AKNA: variants seen among roughly 807,000 people sequenced by gnomAD.
The protein encoded by AKNA is microtubule organization protein AKNA.
AKNA carries 67 observed loss-of-function variants against 138.8 expected under a neutral mutation model. The ratio of observed to expected loss-of-function variants is 0.48; its 90% CI spans 0.40 to 0.59. The LOEUF is 0.59. AKNA is among the 20% of genes least tolerant of loss of function. The pLI is 0.00. For missense variants in AKNA, 1,813 were observed against 1,880.4 expected, an observed-to-expected ratio of 0.96 and a Z score of 0.66; for synonymous variants, 737 against 754.4, an observed-to-expected ratio of 0.98 and a Z score of 0.38.
At chr9:114,388,321 G>A (rs572386568), upstream of AKNA, among the ~76,000 whole-genome samples, 22 of 152,238 alleles carry the variant, frequency 1.4e-4, no homozygotes, top group South Asian at 4.1e-4. Flanking sequence ...GCATGCTGTA[G>A]CTCCTACCCT....
At chr9:114,354,158 G>A (rs1463227311) in intron 14 of AKNA, among the ~76,000 whole-genome samples, 3 of 151,776 alleles carry the variant, frequency 2.0e-5, no homozygotes, top group African/African-American at 4.8e-5. Flanking sequence ...TTTCTTTCTT[G>A]ATATCCTTAT....
At chr9:114,349,066 T>C (rs1016893558) in intron 15 of AKNA, 1 of 430,108 alleles carries the variant, frequency 2.3e-6, no homozygotes, top group Non-Finnish European at 4.8e-6. Context: ...CTTGCTGGTG[T>C]TTCTGAGGCA....
At chr9:114,353,918 G>C (rs1486323312) in intron 14 of AKNA, among the ~76,000 whole-genome samples, 2 of 152,238 alleles carry the variant, frequency 1.3e-5, no homozygotes, top group Non-Finnish European at 2.9e-5. Flanking sequence ...TGAGTGAGTG[G>C]TGAGTGAATG....
intron 14 of AKNA, 66 bp from the exon 15 acceptor site, chr9:114,351,087 G>A (rs1477274020): frequency 5.3e-6 from 8 of 1,515,136 alleles, no homozygotes; most frequent in Non-Finnish European, 7.2e-6. Flanking sequence ...TCACACTTGT[G>A]CAGGTGGAAT....
intron 14 of AKNA, 94 bp downstream of exon 14, chr9:114,355,831 T>C: frequency 7.8e-7 from 1 of 1,283,636 alleles, no homozygotes; most frequent in Non-Finnish European, 1.1e-6. Flanking sequence ...ACAATGAACC[T>C]GGCTAATATG....
rs1485809987 is a variant in AKNA, at chr9:114,377,136, T to C, written c.671A>G (p.Asp224Gly). The C allele has an allele frequency of 6.2e-7, 1 of 1,614,058 alleles. No individual in the cohort carries two copies. Among genetic ancestry groups the C allele is most frequent in the Non-Finnish European group, 8.5e-7 (1 of 1,180,030 alleles). The part of the protein sequence containing the change: ...SLDSTWEGET[D>G]GPQPTALAET... Reference sequence around the variant, plus strand: ...TGCCAGGGCAGTGGGCTGGGGGCCATCGGTCTCTCCTTCCCAGGTAGAATC... The same window carrying C: ...TGCCAGGGCAGTGGGCTGGGGGCCACCGGTCTCTCCTTCCCAGGTAGAATC... Residue 224 changes from aspartate to glycine, a missense_variant, in exon 3 of 22, where the codon GAT (aspartate) becomes GGT (glycine). Transcript: ENST00000374088.
chr9:114,395,619 C>T (rs576151188), upstream of AKNA, among the ~76,000 whole-genome samples: 5 of 151,296 alleles, frequency 3.3e-5, no homozygotes, highest in African/African-American at 7.3e-5. Context: ...TGCAGTGGGG[C>T]GCAGGCCTTC....
chr9:114,346,083 T>C (rs566457599), intron 17 of AKNA, 74 bp from the exon 18 acceptor site: 2 of 1,485,602 alleles, frequency 1.3e-6, no homozygotes, highest in African/African-American at 1.4e-5. Context: ...GGGTATGCCA[T>C]GAGTTTAGGC....
chr9:114,362,206 T>C (rs534710979), intron 8 of AKNA, among the ~76,000 whole-genome samples, 200 bp downstream of exon 8: 1 of 152,348 alleles, frequency 6.6e-6, no homozygotes, highest in Non-Finnish European at 1.5e-5. Flanking sequence ...TCAAGGCATC[T>C]TCTCAGCACG....
intron 17 of AKNA, 48 bp downstream of exon 17, chr9:114,346,621 G>A: frequency 2.0e-6 from 3 of 1,477,744 alleles, no homozygotes; most frequent in African/African-American, 1.4e-5. Context: ...GAGCCAACAT[G>A]CTCAGACTGT....
At chr9:114,351,132 G>A (rs1831092242) in intron 14 of AKNA, 111 bp from the exon 15 acceptor site, 3 of 1,142,886 alleles carry the variant, frequency 2.6e-6, no homozygotes, top group Admixed American at 2.2e-5. Context: ...CCTAGTTCAA[G>A]GTCACAAAGG....
In AKNA at chr9:114,376,546, G is replaced by A. The variant is rs774169296; in HGVS notation, c.1261C>T (p.Pro421Ser). The A allele has an allele frequency of 1.2e-6, 2 of 1,614,018 alleles. No individual in the cohort carries two copies. Among genetic ancestry groups the A allele is most frequent in the Non-Finnish European group, 8.5e-7 (1 of 1,180,022 alleles). ...SGEAALAKDT[P>S]PAHPITRVPQ... is the part of the protein sequence containing the mutation. The stretch of plus-strand genomic sequence containing the variant: ...ACCCTGGTGATAGGGTGGGCAGGAG[G>A]CGTGTCCTTTGCCAGGGCTGCTTCT... Residue 421 changes from proline to serine, a missense_variant, in exon 3 of 22, where the codon CCT becomes TCT. Physicochemically the swap from Pro to Ser is moderately conservative, Grantham distance 74. Coordinates refer to ENST00000374088, the MANE Select transcript of AKNA (RefSeq NM_001317950.2).
rs565827951 is a variant in AKNA, at chr9:114,339,767, C to T, written c.4067+1766G>A. On this transcript the variant is annotated intron_variant, in intron 21 of 21. Coordinates refer to ENST00000374088, the MANE Select transcript of AKNA (RefSeq NM_001317950.2). ...TCTGCTGGAGTGGAAGATTCCTTAG[C>T]GACTTGCTTAGACTCAGCTGAGAGG... Among the ~76,000 whole-genome samples the T allele has an allele frequency of 8.5e-5, 13 of 152,296 alleles. No individual in the cohort carries two copies. The South Asian group carries it at 1.2e-3, about 15-fold the overall frequency.
chr9:114,377,923 C>T lies in AKNA; in HGVS notation c.275-391G>A, dbSNP rs558666005. Among the ~76,000 whole-genome samples the T allele has an allele frequency of 2.2e-4, 33 of 152,336 alleles. 1 individual carries two copies. The highest frequency in any genetic ancestry group is 6.8e-3 in the Middle Eastern group (2 of 294). On this transcript the variant is annotated intron_variant, in intron 2 of 21. Transcript: ENST00000374088. ...CCTATAAAGATCGCAAACTCATCTA[C>T]TGCTCTGAAGTCTACCACCACTACC...
intron 1 of AKNA, among the ~76,000 whole-genome samples, chr9:114,385,360 C>T (rs889253505): frequency 6.6e-6 from 1 of 152,192 alleles, no homozygotes; most frequent in Non-Finnish European, 1.5e-5. Flanking sequence ...TAAACCAGGG[C>T]CTCAGGCAGG....
In AKNA at chr9:114,351,031, C is replaced by T; in HGVS notation, c.3059-10G>A. On this transcript the variant is annotated splice_polypyrimidine_tract_variant and intron_variant, in intron 14 of 21. Transcript: ENST00000374088. ...TCTGAGCCAGGAACCGCTAGGGAGG[C>T]AGAGAGAGAACCCAAAGTGAGTTTA... 1 of 1,612,540 alleles carries T rather than the reference C, an allele frequency of 6.2e-7. No homozygotes were observed. Among genetic ancestry groups the T allele is most frequent in the Non-Finnish European group, 8.5e-7 (1 of 1,179,350 alleles).
upstream of AKNA, among the ~76,000 whole-genome samples, chr9:114,391,309 T>C (rs1834329954): frequency 6.6e-6 from 1 of 152,254 alleles, no homozygotes; most frequent in Admixed American, 6.5e-5. Context: ...TGGAGCTTCT[T>C]ACCAACTAAT....
At chr9:114,364,499 G>C in intron 7 of AKNA, 61 bp downstream of exon 7, 1 of 1,555,234 alleles carries the variant, frequency 6.4e-7, no homozygotes, top group Non-Finnish European at 8.9e-7. Flanking sequence ...TTCAGAGACA[G>C]AGTCATGGGA....
intron 9 of AKNA, 36 bp from the exon 10 acceptor site, chr9:114,360,098 A>C (rs762491801): frequency 6.2e-7 from 1 of 1,613,614 alleles, no homozygotes; most frequent in Non-Finnish European, 8.5e-7. Context: ...GAGATTCAGC[A>C]GATAGTTAAA....
Sources: gnomAD v4.1 joint callset for allele counts (sites outside exome capture counted in the v4.1 genomes callset) on GRCh38, gnomAD v4.1.1 for gene constraint, MANE v1.5 for transcripts, NCBI Gene and HGNC (gene_info 2026-07-23, HGNC 2026-07-21) for gene names.